Variants in EEFSEC observed in about 807,000 individuals in gnomAD.
The protein encoded by EEFSEC is selenocysteine-specific elongation factor.
In EEFSEC, 43 loss-of-function variants were observed where a neutral mutation model predicts 42.1. That is an observed-to-expected ratio of 1.02 (90% confidence interval 0.80 to 1.32). The LOEUF (loss-of-function observed/expected upper bound fraction) is 1.32, where lower values mean the gene tolerates loss of function less well. Ranked by LOEUF, EEFSEC falls within the 40% of genes most tolerant of loss-of-function variation. The pLI is 0.00. For synonymous variants in EEFSEC, 354 were observed against 339.1 expected, an observed-to-expected ratio of 1.04 and a Z score of -0.48; for missense variants, 745 against 803.6, an observed-to-expected ratio of 0.93 and a Z score of 0.88.
chr3:128,385,451 C>T (rs1239636898), intron 6 of EEFSEC, among the ~76,000 whole-genome samples: 1 of 152,208 alleles, frequency 6.6e-6, no homozygotes, highest in Non-Finnish European at 1.5e-5. Flanking sequence ...ATTTTTAAAG[C>T]ACATGAAGAG....
At chr3:128,318,638 GTGGCCCTGGT>G (rs2066974265) in intron 4 of EEFSEC, among the ~76,000 whole-genome samples, 1 of 152,224 alleles carries the variant, frequency 6.6e-6, no homozygotes, top group Non-Finnish European at 1.5e-5. Context: ...GCTGTCCCTG[GTGGCCCTGGT>G]TGCAAGCAGC....
intron 1 of EEFSEC, among the ~76,000 whole-genome samples, chr3:128,207,173 C>T (rs756288766): frequency 5.9e-5 from 9 of 151,934 alleles, no homozygotes; most frequent in Non-Finnish European, 7.4e-5. Flanking sequence ...CCAGCCCTCC[C>T]TTCCTGCTCC....
rs139234372 is a variant in EEFSEC, at chr3:128,246,778, C to T, written c.317-58C>T. 3,137 of 1,596,592 alleles carry T rather than the reference C, an allele frequency of 2.0e-3. 32 individuals are homozygous for T. Among genetic ancestry groups the T allele is most frequent in the East Asian group, 0.013 (592 of 44,726 alleles). On this transcript the variant is annotated intron_variant, in intron 1 of 6. Coordinates refer to ENST00000254730, the MANE Select transcript of EEFSEC (RefSeq NM_021937.5). Reference sequence around the variant, plus strand: ...TGCTTTGACCTGGGGCATTGGGCAACTTTCTGTGGGGCTCACCACCCCTTT... The same window carrying T: ...TGCTTTGACCTGGGGCATTGGGCAATTTTCTGTGGGGCTCACCACCCCTTT...
chr3:128,169,519 T>A (rs1298166275), intron 1 of EEFSEC, among the ~76,000 whole-genome samples: 1 of 152,256 alleles, frequency 6.6e-6, no homozygotes, highest in Non-Finnish European at 1.5e-5. Flanking sequence ...CTGGTCTCAC[T>A]ATGGCTATCC....
At chr3:128,236,722 T>C (rs1056074093) in intron 1 of EEFSEC, among the ~76,000 whole-genome samples, 2 of 152,236 alleles carry the variant, frequency 1.3e-5, no homozygotes, top group Non-Finnish European at 2.9e-5. Context: ...TTCCTCCCTC[T>C]GTTGCCTACC....
intron 1 of EEFSEC, among the ~76,000 whole-genome samples, chr3:128,223,393 A>T (rs2065879319): frequency 1.3e-5 from 2 of 152,086 alleles, no homozygotes; most frequent in African/African-American, 4.8e-5. Flanking sequence ...AACCCCCTGG[A>T]TTTGCAGCCA....
chr3:128,386,791 G>A (rs773969567), intron 6 of EEFSEC, among the ~76,000 whole-genome samples: 10 of 152,086 alleles, frequency 6.6e-5, no homozygotes, highest in East Asian at 1.9e-4. Context: ...TTAAACAACC[G>A]GCTCTCACAT....
chr3:128,311,984 C>T (rs757689353), intron 4 of EEFSEC, among the ~76,000 whole-genome samples: 7 of 152,232 alleles, frequency 4.6e-5, no homozygotes, highest in Non-Finnish European at 1.0e-4. Context: ...ATGTTGGAAT[C>T]CCCAGCACCT....
the EEFSEC span, among the ~76,000 whole-genome samples, chr3:128,416,979 G>A: frequency 6.6e-6 from 1 of 152,092 alleles, no homozygotes; most frequent in South Asian, 2.1e-4. Context: ...ATCGTGGTGG[G>A]TGCGGTCAGC....
chr3:128,192,431 C>T (rs1208369829), intron 1 of EEFSEC, among the ~76,000 whole-genome samples: 3 of 152,272 alleles, frequency 2.0e-5, no homozygotes, highest in African/African-American at 7.2e-5. Context: ...TGTGGGGTTC[C>T]GAGCTGGGCT....
chr3:128,209,877 A>G (rs901752770), intron 1 of EEFSEC, among the ~76,000 whole-genome samples: 1 of 152,238 alleles, frequency 6.6e-6, no homozygotes, highest in African/African-American at 2.4e-5. Flanking sequence ...AGAAATGGAC[A>G]GATAACCAAA....
rs1290344475 is a variant in EEFSEC at position 128,264,568 on chromosome 3, C to T, written c.622-49C>T. On this transcript the variant is annotated intron_variant, in intron 3 of 6. Coordinates refer to ENST00000254730, the MANE Select transcript of EEFSEC (RefSeq NM_021937.5). ...TTCTCTGCCTTCCTCTGCCCTGCCCCATCTGGCTCCTCTCCCCACGGACTG... is the reference window on the plus strand; with the variant it reads ...TTCTCTGCCTTCCTCTGCCCTGCCCTATCTGGCTCCTCTCCCCACGGACTG... The T allele has an allele frequency of 1.9e-6, 3 of 1,594,474 alleles. No homozygotes were observed. The South Asian group carries it at 3.4e-5, about 18-fold the overall frequency.
At chr3:128,367,187 C>T (rs79410601) in intron 6 of EEFSEC, among the ~76,000 whole-genome samples, 2,907 of 152,340 alleles carry the variant, frequency 0.019, 72 homozygotes, top group Non-Finnish European at 0.022. Context: ...CCTCCAAATA[C>T]AGTCCCATTC....
intron 1 of EEFSEC, among the ~76,000 whole-genome samples, chr3:128,168,964 C>G (rs1230350370): frequency 1.3e-5 from 2 of 152,198 alleles, no homozygotes; most frequent in Admixed American, 1.3e-4. Context: ...ATTCAACAAA[C>G]TCCGAGCAAC....
chr3:128,208,040 C>G (rs1257797767), intron 1 of EEFSEC, among the ~76,000 whole-genome samples: 1 of 152,098 alleles, frequency 6.6e-6, no homozygotes, highest in African/African-American at 2.4e-5. Flanking sequence ...TTTCTTGTCC[C>G]CACTGTTGGG....
At position 128,226,251 on chromosome 3, in the gene EEFSEC, C is replaced by A. The variant is rs114214196; in HGVS notation, c.317-20585C>A. Among the ~76,000 whole-genome samples, 945 of 152,302 alleles carry A rather than the reference C, an allele frequency of 6.2e-3. 8 individuals are homozygous for A. The highest frequency in any genetic ancestry group is 0.021 in the African/African-American group (886 of 41,558). The stretch of plus-strand genomic sequence containing the variant: ...CCGTAAGCCACATAAAGGAGGACAT[C>A]AGAACCAATTGGGTTAGAGAGGGCC... On this transcript the variant is annotated intron_variant, in intron 1 of 6. Coordinates refer to ENST00000254730, the MANE Select transcript of EEFSEC (RefSeq NM_021937.5).
At chr3:128,404,606 G>A (rs1273033422) in intron 6 of EEFSEC, among the ~76,000 whole-genome samples, 1 of 152,208 alleles carries the variant, frequency 6.6e-6, no homozygotes, top group African/African-American at 2.4e-5. Context: ...CTGATTCAGG[G>A]AGTCAGATAC....
intron 4 of EEFSEC, among the ~76,000 whole-genome samples, chr3:128,279,954 C>T (rs538772436): frequency 3.9e-5 from 6 of 152,278 alleles, no homozygotes; most frequent in Middle Eastern, 3.4e-3. Context: ...CTAAACCGTG[C>T]GATACCACGT....
At chr3:128,345,654 C>T (rs1375799239) in intron 5 of EEFSEC, among the ~76,000 whole-genome samples, 5 of 152,332 alleles carry the variant, frequency 3.3e-5, no homozygotes, top group Middle Eastern at 3.4e-3. Flanking sequence ...CTCTGTGATT[C>T]GGGGCAAGGC....
Sources: gnomAD v4.1 joint callset for allele counts (sites outside exome capture counted in the v4.1 genomes callset) on GRCh38, gnomAD v4.1.1 for gene constraint, MANE v1.5 for transcripts, NCBI Gene and HGNC (gene_info 2026-07-23, HGNC 2026-07-21) for gene names.